The following MCUB variants were observed in gnomAD, a reference collection of about 807,000 sequenced individuals.
The protein encoded by MCUB is calcium uniporter regulatory subunit MCUb, mitochondrial.
In MCUB, 46 loss-of-function variants were observed where a neutral mutation model predicts 41.4. That is an observed-to-expected ratio of 1.11 (90% CI 0.88 to 1.42). The LOEUF (loss-of-function observed/expected upper bound fraction) is 1.42. Among genes scored for constraint, MCUB ranks in the 40% most tolerant of loss-of-function variants. The pLI is 0.00. For missense variants in MCUB, 403 were observed against 404.9 expected, an observed-to-expected ratio of 1.00 and a Z score of 0.04; for synonymous variants, 148 against 148.2, an observed-to-expected ratio of 1.00 and a Z score of 0.01.
At chr4:109,656,687 G>A (rs929935930) in intron 1 of MCUB, among the ~76,000 whole-genome samples, 5 of 151,974 alleles carry the variant, frequency 3.3e-5, no homozygotes, top group Non-Finnish European at 7.4e-5. Flanking sequence ...CTACCTTCGT[G>A]TATTTGACTT....
At chr4:109,604,441 A>G (rs1056929718) in intron 1 of MCUB, among the ~76,000 whole-genome samples, 3 of 152,198 alleles carry the variant, frequency 2.0e-5, no homozygotes, top group African/African-American at 7.2e-5. Context: ...TTTTCCAGAT[A>G]TAAAATCATG....
intron 1 of MCUB, among the ~76,000 whole-genome samples, chr4:109,631,674 A>G (rs1049937747): frequency 3.1e-4 from 47 of 152,334 alleles, no homozygotes; most frequent in Admixed American, 1.4e-3. Flanking sequence ...GACTCTGTCA[A>G]CATTTCTCCT....
At chr4:109,603,708 G>A (rs1212098450) in intron 1 of MCUB, among the ~76,000 whole-genome samples, 2 of 151,038 alleles carry the variant, frequency 1.3e-5, no homozygotes, top group African/African-American at 4.9e-5. Flanking sequence ...GCCTCTGTCC[G>A]GCTGCCCCAT....
intron 1 of MCUB, among the ~76,000 whole-genome samples, chr4:109,602,078 C>T (rs1727757483): frequency 6.6e-6 from 1 of 152,040 alleles, no homozygotes; most frequent in Admixed American, 6.6e-5. Flanking sequence ...ATTTTTTTCT[C>T]ATAGAGTTGT....
At chr4:109,665,235 TTTA>T (rs1729317467) in intron 4 of MCUB, among the ~76,000 whole-genome samples, 1 of 152,232 alleles carries the variant, frequency 6.6e-6, no homozygotes, top group African/African-American at 2.4e-5. Context: ...TCATCTTGTT[TTTA>T]TTAATCTTTC....
intron 1 of MCUB, among the ~76,000 whole-genome samples, chr4:109,569,597 G>A (rs936807627): frequency 2.8e-4 from 40 of 144,650 alleles, no homozygotes; most frequent in African/African-American, 9.6e-4. Context: ...TCTGCCTCCC[G>A]GGTTCAAACG....
intron 1 of MCUB, among the ~76,000 whole-genome samples, chr4:109,637,030 T>G (rs1228803695): frequency 2.6e-5 from 4 of 152,012 alleles, no homozygotes; most frequent in Non-Finnish European, 4.4e-5. Flanking sequence ...GATGAGGAGA[T>G]AGAGATAATA....
chr4:109,671,662 A>T (rs1729462289), intron 4 of MCUB, among the ~76,000 whole-genome samples: 1 of 152,226 alleles, frequency 6.6e-6, no homozygotes, highest in South Asian at 2.1e-4. Context: ...CTTTAATCAT[A>T]GTTGCTTTAC....
intron 1 of MCUB, among the ~76,000 whole-genome samples, chr4:109,639,488 G>T (rs1728669158): frequency 6.6e-6 from 1 of 152,054 alleles, no homozygotes; most frequent in Non-Finnish European, 1.5e-5. Context: ...AGGAGTCTGA[G>T]ACTAGCCTGG....
At chr4:109,579,811 G>C (rs900142583) in intron 1 of MCUB, among the ~76,000 whole-genome samples, 11 of 152,140 alleles carry the variant, frequency 7.2e-5, no homozygotes, top group Non-Finnish European at 1.3e-4. Flanking sequence ...GATATTTAAA[G>C]TCTGACTGAA....
At chr4:109,652,778 A>G (rs1233948272) in intron 1 of MCUB, among the ~76,000 whole-genome samples, 3 of 152,240 alleles carry the variant, frequency 2.0e-5, no homozygotes, top group Admixed American at 2.0e-4. Context: ...GCAAGCCTGA[A>G]GTAATTTTCC....
At chr4:109,621,068 T>G (rs1219363407) in intron 1 of MCUB, among the ~76,000 whole-genome samples, 1 of 152,020 alleles carries the variant, frequency 6.6e-6, no homozygotes, top group Non-Finnish European at 1.5e-5. Flanking sequence ...CCGGCTAATT[T>G]TTGTATTTTT....
rs200646103 is a variant in MCUB, at chr4:109,684,416, A to C, written c.613-27A>C. 2.7e-5 allele frequency: 42 copies of C among 1,566,808 alleles called. 1 individual carries two copies. The highest frequency in any genetic ancestry group is 3.5e-4 in the Middle Eastern group (2 of 5,728). ...CTTTAGTTGGTGTATTTGTAAACAG[A>C]ATTAACAGTTTTTCATTCCCCCTCA... On this transcript the variant is annotated intron_variant, in intron 5 of 7. Transcript: ENST00000394650.
chr4:109,639,281 C>T (rs1019816743), intron 1 of MCUB, among the ~76,000 whole-genome samples: 2 of 152,150 alleles, frequency 1.3e-5, no homozygotes, highest in African/African-American at 2.4e-5. Flanking sequence ...AAACATTAAT[C>T]TCCTTTTACA....
intron 4 of MCUB, among the ~76,000 whole-genome samples, chr4:109,664,943 T>TA (rs11307907): frequency 2.0e-4 from 30 of 150,916 alleles, no homozygotes; most frequent in Middle Eastern, 3.4e-3. Flanking sequence ...TTAACTCTTG[T>TA]AAAAAAAAAA....
chr4:109,606,790 A>C (rs1385807066), intron 1 of MCUB, among the ~76,000 whole-genome samples: 1 of 152,212 alleles, frequency 6.6e-6, no homozygotes, highest in Non-Finnish European at 1.5e-5. Context: ...CTTTTCATCC[A>C]GGCTGGAGTG....
intron 1 of MCUB, among the ~76,000 whole-genome samples, chr4:109,586,873 C>T (rs1272182588): frequency 6.6e-6 from 1 of 152,100 alleles, no homozygotes; most frequent in Non-Finnish European, 1.5e-5. Flanking sequence ...GTCAGTCGGC[C>T]CCTACTGGGA....
At chr4:109,598,909 G>A (rs1727658229) in intron 1 of MCUB, among the ~76,000 whole-genome samples, 1 of 152,166 alleles carries the variant, frequency 6.6e-6, no homozygotes, top group South Asian at 2.1e-4. Flanking sequence ...TCTGAATACA[G>A]TAAATTAGCT....
chr4:109,599,649 T>G (rs1727681187), intron 1 of MCUB, among the ~76,000 whole-genome samples: 1 of 151,904 alleles, frequency 6.6e-6, no homozygotes, highest in South Asian at 2.1e-4. Context: ...ACGTATACCT[T>G]TTATTAAAAT....
Sources: allele counts gnomAD v4.1 joint callset (sites outside exome capture counted in the v4.1 genomes callset), GRCh38; gene constraint gnomAD v4.1.1; transcripts MANE v1.5; gene names NCBI Gene and HGNC (gene_info 2026-07-23, HGNC 2026-07-21).